CPLANE1: variants seen among roughly 807,000 people sequenced by gnomAD.
The protein encoded by CPLANE1 is ciliogenesis and planar polarity effector complex subunit 1.
CPLANE1 carries 263 observed loss-of-function variants against 362.5 expected under a neutral mutation model. The observed-to-expected ratio is 0.73, with a 90% CI of 0.66 to 0.80. CPLANE1 has a LOEUF of 0.80. Ranked by LOEUF, CPLANE1 falls within the 30% of genes least tolerant of loss-of-function variation. The pLI is 0.00. For synonymous variants in CPLANE1, 1,212 were observed against 1,302.6 expected, an observed-to-expected ratio of 0.93 and a Z score of 1.50; for missense variants, 3,461 against 3,793.4, an observed-to-expected ratio of 0.91 and a Z score of 2.30.
In CPLANE1 at chr5:37,177,631, C is replaced by G. The variant is rs1781549513; in HGVS notation, c.5890G>C (p.Glu1964Gln). 1.9e-6 allele frequency: 3 copies of G among 1,612,386 alleles called. No individual in the cohort carries two copies. The highest frequency in any genetic ancestry group is 2.5e-6 in the Non-Finnish European group (3 of 1,179,042). The change falls in exon 30 of 53, where the codon GAA becomes CAA. Residue 1964 changes from glutamate (E) to glutamine (Q), a missense_variant. Glu to Gln is a conservative substitution (Grantham distance 29). Around this residue, in one of 2 missense-constraint regions of CPLANE1, gnomAD observed 3,380 missense variants for 3,666.1 expected, o/e 0.92. Coordinates refer to ENST00000651892, the MANE Select transcript of CPLANE1 (RefSeq NM_001384732.1). ...LETIMEEKST[E>Q]QKGMIEAFSH... is the part of the protein sequence containing the mutation. The stretch of plus-strand genomic sequence containing the variant: ...TTTTTTCCCCCTTACCCTTTTTGTT[C>G]AGTCGATTTTTCCTCCATAATTGTC...
At chr5:37,192,222 A>G (rs1785741815) in intron 21 of CPLANE1, among the ~76,000 whole-genome samples, 1 of 152,216 alleles carries the variant, frequency 6.6e-6, no homozygotes. Context: ...GTACTGCAGT[A>G]TTCAATATGG....
At chr5:37,177,581 T>C (rs1781522971) in intron 30 of CPLANE1, 40 bp downstream of exon 30, 1 of 1,419,182 alleles carries the variant, frequency 7.0e-7, no homozygotes, top group Non-Finnish European at 9.9e-7. Context: ...TTCACTGAGG[T>C]AACCAGTGAC....
intron 28 of CPLANE1, among the ~76,000 whole-genome samples, 198 bp downstream of exon 28, chr5:37,179,819 C>A (rs1782169110): frequency 6.6e-6 from 1 of 152,090 alleles, no homozygotes; most frequent in Admixed American, 6.6e-5. Flanking sequence ...TACCTTAGAT[C>A]TTCTTGGTTT....
rs138862600 is a variant in CPLANE1 at position 37,121,759 on chromosome 5, G to A, written c.9043C>T (p.Arg3015Cys). 201 of 1,613,908 alleles carry A rather than the reference G, an allele frequency of 1.2e-4. No individual in the cohort carries two copies. Among genetic ancestry groups the A allele is most frequent in the Non-Finnish European group, 1.5e-4 (178 of 1,179,834 alleles). ...AGACCGTACGCTTGTGAGATTCGACGACTATAGTGTTCAGAGAGCAGCAAT... is the reference window on the plus strand; with the variant it reads ...AGACCGTACGCTTGTGAGATTCGACAACTATAGTGTTCAGAGAGCAGCAAT... ...DRLLLSEHYS[R>C]RISQAYGLMN... Residue 3015 changes from arginine to cysteine, a missense_variant, in exon 49 of 53, where the codon CGT (arginine) becomes TGT (cysteine). This residue lies in a region of CPLANE1 where 3,380 missense variants were observed against 3,666.1 expected (regional missense o/e 0.92). Coordinates refer to ENST00000651892, the MANE Select transcript of CPLANE1 (RefSeq NM_001384732.1).
Position 37,168,788 on chromosome 5 carries a change from T to G in CPLANE1, c.7233+3A>C. On this transcript the variant is annotated splice_donor_region_variant and intron_variant, in intron 34 of 52. Coordinates refer to ENST00000651892, the MANE Select transcript of CPLANE1 (RefSeq NM_001384732.1). ...TTTGCATTACCATACAAAAATTCAT[T>G]ACCCTATTTTCTGGGGACAAATGTG... is the stretch of plus-strand genomic sequence containing the variant. 6.2e-7 allele frequency: 1 copy of G among 1,608,204 alleles called. No homozygotes were observed. Among genetic ancestry groups the G allele is most frequent in the Non-Finnish European group, 8.5e-7 (1 of 1,176,624 alleles).
At chr5:37,201,569 A>G (rs971107404) in intron 19 of CPLANE1, 22 bp downstream of exon 19, 3 of 1,542,470 alleles carry the variant, frequency 1.9e-6, no homozygotes, top group African/African-American at 1.4e-5. Flanking sequence ...AATTAATTTA[A>G]AAGTTAATGC....
At chr5:37,089,500 T>C in the CPLANE1 span, among the ~76,000 whole-genome samples, 5 of 152,104 alleles carry the variant, frequency 3.3e-5, no homozygotes, top group African/African-American at 1.2e-4. Flanking sequence ...CATGAATTAG[T>C]TGAAGAGTAA....
rs1782255914 is a variant in CPLANE1 at position 37,180,122 on chromosome 5, T to C, written c.5632A>G (p.Ile1878Val). The change falls in exon 28 of 53, where the codon ATC (isoleucine) becomes GTC (valine). Residue 1878 changes from isoleucine to valine, a missense_variant. Coordinates refer to ENST00000651892, the MANE Select transcript of CPLANE1 (RefSeq NM_001384732.1). ...IKEINDDIIS[I>V]THNTKKEFID... ...AATTCTTTTTTAGTATTATGAGTGA[T>C]GGAAATAATATCATCATTGATTTCT... 1.3e-6 allele frequency: 2 copies of C among 1,555,462 alleles called. No homozygotes were observed. Among genetic ancestry groups the C allele is most frequent in the Admixed American group, 2.0e-5 (1 of 50,518 alleles).
chr5:37,209,869 G>A lies in CPLANE1; in HGVS notation c.2921-3444C>T, dbSNP rs1040745034. ...ACTCAGACAAGTTCGACATTTAGCA[G>A]AGATTCTCTGGCTGAGAAGCTTCAG... On this transcript the variant is annotated intron_variant, in intron 16 of 52. Coordinates refer to ENST00000651892, the MANE Select transcript of CPLANE1 (RefSeq NM_001384732.1). This position sits in a 1 kb window ranked among gnomAD's most constrained non-coding sequence, Gnocchi z 4.6. The A allele has an allele frequency of 7.2e-7, 1 of 1,396,244 alleles. No homozygotes were observed. The highest frequency in any genetic ancestry group is 1.0e-6 in the Non-Finnish European group (1 of 983,634). The allele number at this position is 1,396,244 out of a possible 1,614,324, so 86.5% of individuals were successfully genotyped here.
chr5:37,125,171 T>C (rs1361886947), intron 47 of CPLANE1, 73 bp downstream of exon 47: 1 of 1,492,562 alleles, frequency 6.7e-7, no homozygotes, highest in Non-Finnish European at 9.0e-7. Context: ...TGTTAATCTT[T>C]TTCTTAAAAT....
chr5:37,127,399 A>T (rs185822654), intron 46 of CPLANE1, among the ~76,000 whole-genome samples: 4 of 152,290 alleles, frequency 2.6e-5, no homozygotes, highest in African/African-American at 9.6e-5. Flanking sequence ...GCTCATCAAA[A>T]TCCCATCTGC....
chr5:37,113,808 G>A lies in CPLANE1; in HGVS notation c.9400+1152C>T, dbSNP rs552863402. Among the ~76,000 whole-genome samples, 5 of 152,080 alleles carry A rather than the reference G, an allele frequency of 3.3e-5. No individual in the cohort carries two copies. In the East Asian group the frequency reaches 9.7e-4, roughly 29 times the overall value. ...TTTCACAGTACATATAAACTAGTGG[G>A]GTTTTTTTGTTTTGTTTTGTTTTGA... On this transcript the variant is annotated intron_variant, in intron 51 of 52. Coordinates refer to ENST00000651892, the MANE Select transcript of CPLANE1 (RefSeq NM_001384732.1).
chr5:37,119,951 C>T (rs1396581674), intron 50 of CPLANE1, among the ~76,000 whole-genome samples: 1 of 151,834 alleles, frequency 6.6e-6, no homozygotes, highest in African/African-American at 2.4e-5. Context: ...CTCGCCACTG[C>T]ACTCCAGCCT....
the CPLANE1 span, among the ~76,000 whole-genome samples, chr5:37,087,988 A>G: frequency 6.6e-6 from 1 of 152,342 alleles, no homozygotes; most frequent in South Asian, 2.1e-4. Context: ...GTGGCCGGCC[A>G]AGACATAACA....
chr5:37,216,595 G>C (rs1038164631), intron 15 of CPLANE1, among the ~76,000 whole-genome samples: 10 of 152,190 alleles, frequency 6.6e-5, no homozygotes, highest in African/African-American at 2.2e-4. Context: ...TGGCTAGATA[G>C]CAGGTGGACA....
At position 37,122,413 on chromosome 5, in the gene CPLANE1, A is replaced by G; in HGVS notation, c.9017+17T>C. On this transcript the variant is annotated intron_variant, in intron 48 of 52. Coordinates refer to ENST00000651892, the MANE Select transcript of CPLANE1 (RefSeq NM_001384732.1). ...GAAGTTAGAGAGAAAACACAGGGTT[A>G]CAGCTACCAAACTCACCTGTCTTTT... is the stretch of plus-strand genomic sequence containing the variant. The G allele has an allele frequency of 1.9e-6, 3 of 1,607,228 alleles. No homozygotes were observed. The highest frequency in any genetic ancestry group is 8.5e-7 in the Non-Finnish European group (1 of 1,174,362).
intron 41 of CPLANE1, among the ~76,000 whole-genome samples, chr5:37,156,379 T>C (rs1775109062): frequency 6.6e-6 from 1 of 152,120 alleles, no homozygotes; most frequent in South Asian, 2.1e-4. Flanking sequence ...TGAGGTGGAA[T>C]GATCACTTCA....
chr5:37,075,696 C>T, the CPLANE1 span, among the ~76,000 whole-genome samples: 2 of 152,078 alleles, frequency 1.3e-5, no homozygotes, highest in Admixed American at 6.6e-5. Context: ...GCTTTATTGT[C>T]AGTAGAGCCA....
intron 8 of CPLANE1, among the ~76,000 whole-genome samples, chr5:37,235,567 C>CTTTTTTTTTTTTTTTTTTTTTTTTTTTT (rs546612161): frequency 1.1e-5 from 1 of 93,362 alleles, no homozygotes. Context: ...TATCTAATTT[C>CTTTTTTTTTTTTTTTTTTTTTTTTTTTT]TTTTTTTTTT....
Sources: allele counts gnomAD v4.1 joint callset (sites outside exome capture counted in the v4.1 genomes callset), GRCh38; gene constraint gnomAD v4.1.1; regional missense constraint gnomAD v4.1.1; non-coding constraint Gnocchi (gnomAD v3.1); transcripts MANE v1.5; gene names NCBI Gene and HGNC (gene_info 2026-07-23, HGNC 2026-07-21).